Variants in SMARCC2 observed in about 807,000 individuals in gnomAD.
The protein encoded by SMARCC2 is SWI/SNF related BAF chromatin remodeling complex subunit C2.
Under a neutral mutation model 151.3 loss-of-function variants are expected in SMARCC2, and 15 were observed. That is an observed-to-expected ratio of 0.10 (90% confidence interval 0.07 to 0.15). The LOEUF is 0.15. Ranked by LOEUF, SMARCC2 falls within the 10% of genes least tolerant of loss-of-function variation. The probability of loss-of-function intolerance (pLI) is 1.00; values close to 1 mark genes in which losing one functional copy is unlikely to be tolerated. For missense variants in SMARCC2, 1,031 were observed against 1,599.7 expected (o/e 0.64, Z 6.06); for synonymous variants, 590 against 609.5 (o/e 0.97, Z 0.47).
rs1321630308 is a variant in SMARCC2 at position 56,181,106 on chromosome 12, G to A, written c.957-5C>T. 1 of 1,609,096 alleles carries A rather than the reference G, an allele frequency of 6.2e-7. No homozygotes were observed. The highest frequency in any genetic ancestry group is 1.1e-5 in the South Asian group (1 of 90,930). On this transcript the variant is annotated splice_polypyrimidine_tract_variant and splice_region_variant and intron_variant, in intron 10 of 28. Coordinates refer to ENST00000550164, the MANE Select transcript of SMARCC2 (RefSeq NM_001330288.2). ...TTAGTGTAAGGTGTTGAGGGACTGG[G>A]AAGGAAAGAGAGTGAAAGAGAACCC...
intron 5 of SMARCC2, 87 bp downstream of exon 5, chr12:56,184,757 T>C: frequency 1.3e-6 from 1 of 794,930 alleles, no homozygotes; most frequent in South Asian, 1.5e-5. Flanking sequence ...GCAGAAAACA[T>C]GGTAATTCAG....
chr12:56,184,544 C>A, intron 5 of SMARCC2: 1 of 536,514 alleles, frequency 1.9e-6, no homozygotes, highest in Non-Finnish European at 3.3e-6. Flanking sequence ...CTATAAAGTT[C>A]CAAAGAGCAG....
chr12:56,175,271 A>C (rs993226350), intron 15 of SMARCC2, among the ~76,000 whole-genome samples: 3 of 152,166 alleles, frequency 2.0e-5, no homozygotes, highest in Admixed American at 1.3e-4. Context: ...TCAGCCTCCC[A>C]AAGTGCTGGG....
Position 56,171,503 on chromosome 12 carries a change from TACTC to T in SMARCC2, c.2186-75_2186-72del. 14 of 1,592,550 alleles carry T rather than the reference TACTC, an allele frequency of 8.8e-6. No homozygotes were observed. The highest frequency in any genetic ancestry group is 1.2e-5 in the Non-Finnish European group (14 of 1,162,536). On this transcript the variant is annotated intron_variant, in intron 21 of 28. Coordinates refer to ENST00000550164, the MANE Select transcript of SMARCC2 (RefSeq NM_001330288.2). The surrounding 1 kb of genome is among the most constrained non-coding windows in gnomAD (Gnocchi z 4.2). ...AGTTCTGGCAATCCCTGCAAAAGCT[TACTC>T]ACAAGCCCATGTCTTCATCTAAGCT...
At chr12:56,179,402 A>C (rs1875673849) in intron 11 of SMARCC2, among the ~76,000 whole-genome samples, 1 of 152,180 alleles carries the variant, frequency 6.6e-6, no homozygotes, top group Non-Finnish European at 1.5e-5. Flanking sequence ...ACATTTTTGA[A>C]AGCAGAGGAT....
chr12:56,179,843 C>T (rs926901155), intron 11 of SMARCC2, among the ~76,000 whole-genome samples: 1 of 152,188 alleles, frequency 6.6e-6, no homozygotes, highest in African/African-American at 2.4e-5. Context: ...CCCACCACCA[C>T]GCCTGGCAAA....
In SMARCC2 at chr12:56,169,519, C is replaced by T; in HGVS notation, c.2715+10G>A. 1.2e-6 allele frequency: 2 copies of T among 1,613,550 alleles called. No homozygotes were observed. The highest frequency in any genetic ancestry group is 1.7e-6 in the Non-Finnish European group (2 of 1,179,622). On this transcript the variant is annotated intron_variant, in intron 25 of 28. Coordinates refer to ENST00000550164, the MANE Select transcript of SMARCC2 (RefSeq NM_001330288.2). The stretch of plus-strand genomic sequence containing the variant: ...TTTTCTTCCCTGAGGTCTTCAAGGT[C>T]TGGCCTCACCTTAGCTTTCACTGCG...
At position 56,163,351 on chromosome 12, in the gene SMARCC2, T is replaced by A; in HGVS notation, c.*338A>T. The A allele has an allele frequency of 6.0e-6, 1 of 166,152 alleles. No individual in the cohort carries two copies. Among genetic ancestry groups the A allele is most frequent in the Non-Finnish European group, 1.3e-5 (1 of 79,084 alleles). The allele number at this position is 166,152 out of a possible 1,614,324, so 10.3% of individuals were successfully genotyped here. A position where few individuals can be genotyped will look rare whatever the true frequency, so the allele number is the denominator to read the frequency against. ...ACTTTTTTTTTTTTTTTTTAATCCA[T>A]AGAAAATGCAGTAGTTTGGAGGGAG... On this transcript the variant is annotated 3_prime_UTR_variant, in exon 29 of 29. Coordinates refer to ENST00000550164, the MANE Select transcript of SMARCC2 (RefSeq NM_001330288.2).
At chr12:56,189,144 C>T (rs1250686183) in intron 1 of SMARCC2, among the ~76,000 whole-genome samples, 69 of 86,904 alleles carry the variant, frequency 7.9e-4, no homozygotes, top group Non-Finnish European at 5.3e-4. Context: ...GCAGTGGGGG[C>T]GGGGGCTGGG....
In SMARCC2 at chr12:56,163,748, G is replaced by A. The variant is rs756494070; in HGVS notation, c.3679C>T (p.Pro1227Ser). Residue 1227 changes from proline to serine, a missense_variant, in exon 29 of 29, where the codon CCT becomes TCT. Pro to Ser is a moderately conservative substitution (Grantham distance 74). This residue lies in a region of SMARCC2 where 310 missense variants were observed against 350.0 expected (regional missense o/e 0.89). Transcript: ENST00000550164. ...GGGCTCGGGGCTGTGGGGTCTGGAG[G>A]CAGGGGGGTGCCTGGGTCTGTGGAG... ...SPLPDPGTPLPPDPTAPSPGT... is the reference protein window; with the variant it reads ...SPLPDPGTPLSPDPTAPSPGT... 6.6e-7 allele frequency: 1 copy of A among 1,513,742 alleles called. No homozygotes were observed. Among genetic ancestry groups the A allele is most frequent in the Non-Finnish European group, 8.8e-7 (1 of 1,141,396 alleles). The allele number at this position is 1,513,742 out of a possible 1,614,324, so 93.8% of individuals were successfully genotyped here.
chr12:56,165,171 T>G (rs767306380), intron 27 of SMARCC2, 147 bp downstream of exon 27: 12 of 1,036,862 alleles, frequency 1.2e-5, no homozygotes, highest in Non-Finnish European at 1.4e-5. Flanking sequence ...GGACTCCTGC[T>G]GATTTAGGGG....
chr12:56,178,902 C>G (rs988741250), intron 12 of SMARCC2, 55 bp from the exon 13 acceptor site: 1 of 1,605,962 alleles, frequency 6.2e-7, no homozygotes, highest in African/African-American at 1.3e-5. Flanking sequence ...GCAAGAAAGC[C>G]CTACCAAAAG....
At position 56,164,373 on chromosome 12, in the gene SMARCC2, G is replaced by A. The variant is rs145229969; in HGVS notation, c.3591C>T (p.Ala1197=). The A allele has an allele frequency of 1.9e-4, 308 of 1,613,782 alleles. No individual in the cohort carries two copies. Among genetic ancestry groups the A allele is most frequent in the Non-Finnish European group, 2.3e-4 (273 of 1,180,022 alleles). ...SLPLGPGLGS[A]AAQSPAIVAA... is the part of the protein sequence containing the mutation. The stretch of plus-strand genomic sequence containing the variant: ...CCACAATGGCAGGGCTTTGGGCTGC[G>A]GCGGATCCGAGCCCCGGCCCGAGAG... The change falls in exon 28 of 29, where the codon GCC becomes GCT. Residue 1197 remains alanine (A), a synonymous_variant. Transcript: ENST00000550164.
intron 27 of SMARCC2, 149 bp downstream of exon 27, chr12:56,165,169 G>A: frequency 9.8e-7 from 1 of 1,017,776 alleles, no homozygotes; most frequent in East Asian, 2.7e-5. Context: ...AAGGACTCCT[G>A]CTGATTTAGG....
At chr12:56,175,790 G>C (rs1874834724) in intron 15 of SMARCC2, among the ~76,000 whole-genome samples, 1 of 152,086 alleles carries the variant, frequency 6.6e-6, no homozygotes, top group African/African-American at 2.4e-5. Flanking sequence ...ACTCAATGTA[G>C]GTTGGACATT....
intron 11 of SMARCC2, among the ~76,000 whole-genome samples, chr12:56,179,290 G>A (rs1457546334): frequency 6.6e-6 from 1 of 152,134 alleles, no homozygotes; most frequent in East Asian, 1.9e-4. Context: ...AATGATTCTT[G>A]TCTTTGACAG....
At chr12:56,181,402 A>G in intron 10 of SMARCC2, 80 bp downstream of exon 10, 1 of 908,748 alleles carries the variant, frequency 1.1e-6, no homozygotes, top group Non-Finnish European at 1.7e-6. Context: ...AGGTGGTTAT[A>G]GGAAGGGATT....
At position 56,186,412 on chromosome 12, in the gene SMARCC2, G is replaced by A. The variant is rs557183277; in HGVS notation, c.232-172C>T. Among the ~76,000 whole-genome samples the A allele has an allele frequency of 3.4e-5, 5 of 148,638 alleles. No individual in the cohort carries two copies. In the South Asian group the frequency reaches 8.5e-4, roughly 25 times the overall value. Reference sequence around the variant, plus strand: ...GTTGCCCAGGCTGGAGTGCAATGGCGCGATCTTGGCTCACTGCAACCTCTG... The same window carrying A: ...GTTGCCCAGGCTGGAGTGCAATGGCACGATCTTGGCTCACTGCAACCTCTG... On this transcript the variant is annotated intron_variant, in intron 2 of 28. Coordinates refer to ENST00000550164, the MANE Select transcript of SMARCC2 (RefSeq NM_001330288.2).
intron 3 of SMARCC2, 63 bp downstream of exon 3, chr12:56,186,092 G>A: frequency 8.6e-7 from 1 of 1,165,106 alleles, no homozygotes; most frequent in Non-Finnish European, 1.3e-6. Flanking sequence ...AAAGATCCCA[G>A]GGAATCAAAA....
Sources: gnomAD v4.1 joint callset for allele counts (sites outside exome capture counted in the v4.1 genomes callset) on GRCh38, gnomAD v4.1.1 for gene constraint, gnomAD v4.1.1 regional missense constraint, Gnocchi (gnomAD v3.1) non-coding constraint, MANE v1.5 for transcripts, NCBI Gene and HGNC (gene_info 2026-07-23, HGNC 2026-07-21) for gene names.